The following ABHD17C variants were observed in gnomAD, a reference collection of about 807,000 sequenced individuals.
ABHD17C encodes alpha/beta hydrolase domain-containing protein 17C.
In ABHD17C, 11 loss-of-function variants were observed where a neutral mutation model predicts 27.9. The ratio of observed to expected loss-of-function variants is 0.39; its 90% CI spans 0.25 to 0.65. ABHD17C has a LOEUF of 0.65. Ranked by LOEUF, ABHD17C falls within the 30% of genes least tolerant of loss-of-function variation. The pLI is 0.45. For synonymous variants in ABHD17C, 233 were observed against 209.1 expected (o/e 1.11, Z -0.98); for missense variants, 280 against 470.2 (o/e 0.60, Z 3.74).
intron 1 of ABHD17C, among the ~76,000 whole-genome samples, chr15:80,708,586 G>T (rs1423723625): frequency 6.6e-6 from 1 of 152,130 alleles, no homozygotes; most frequent in East Asian, 1.9e-4. Context: ...GAAAGTGCTG[G>T]GATTATAGGA....
intron 1 of ABHD17C, among the ~76,000 whole-genome samples, chr15:80,716,693 T>C (rs969220074): frequency 4.6e-5 from 7 of 152,226 alleles, no homozygotes; most frequent in African/African-American, 1.4e-4. Flanking sequence ...TGGCGTCTTG[T>C]TCATATTTGA....
At chr15:80,724,064 G>A (rs1894938093) in intron 1 of ABHD17C, among the ~76,000 whole-genome samples, 1 of 152,104 alleles carries the variant, frequency 6.6e-6, no homozygotes, top group South Asian at 2.1e-4. Flanking sequence ...TTAGCTGGGT[G>A]TGGTGGTGGA....
At chr15:80,741,409 C>A (rs577145176) in intron 1 of ABHD17C, among the ~76,000 whole-genome samples, 9 of 151,464 alleles carry the variant, frequency 5.9e-5, no homozygotes, top group African/African-American at 2.2e-4. Flanking sequence ...TAGATCCTAC[C>A]AACTTTGGCA....
intron 1 of ABHD17C, among the ~76,000 whole-genome samples, chr15:80,745,168 C>G (rs1189053809): frequency 6.6e-6 from 1 of 152,188 alleles, no homozygotes. Flanking sequence ...CCAGCATTTA[C>G]AACCCCCAGG....
At chr15:80,737,756 G>A (rs1895153081) in intron 1 of ABHD17C, among the ~76,000 whole-genome samples, 1 of 152,134 alleles carries the variant, frequency 6.6e-6, no homozygotes, top group African/African-American at 2.4e-5. Flanking sequence ...AGTTGTCCAG[G>A]TGATGACAAG....
Position 80,695,980 on chromosome 15 carries a change from A to G in ABHD17C, c.551A>G (p.Tyr184Cys), listed in dbSNP as rs1162634180. The stretch of plus-strand genomic sequence containing the variant: ...GGCAAGCCCTCCGAGAAGAACCTCT[A>G]CGCCGACATCGACGCCGCGTGGCAG... ...SSGKPSEKNL[Y>C]ADIDAAWQAL... is the part of the protein sequence containing the mutation. The change falls in exon 1 of 3, where the codon TAC (tyrosine) becomes TGC (cysteine). Residue 184 changes from tyrosine (Y) to cysteine (C), a missense_variant. Around this residue, in one of 2 missense-constraint regions of ABHD17C, gnomAD observed 206 missense variants for 394.7 expected, o/e 0.52. Coordinates refer to ENST00000258884, the MANE Select transcript of ABHD17C (RefSeq NM_021214.2). The surrounding 1 kb of genome is among the most constrained non-coding windows in gnomAD (Gnocchi z 4.3). The G allele has an allele frequency of 1.9e-6, 3 of 1,588,414 alleles. No homozygotes were observed. The highest frequency in any genetic ancestry group is 2.6e-6 in the Non-Finnish European group (3 of 1,175,238).
Position 80,697,094 on chromosome 15 carries a change from A to AT in ABHD17C, c.590+1086dup, listed in dbSNP as rs573063320. Among the ~76,000 whole-genome samples, 233 of 148,624 alleles carry AT rather than the reference A, an allele frequency of 1.6e-3. 1 individual carries two copies. The highest frequency in any genetic ancestry group is 8.8e-3 in the East Asian group (45 of 5,086). On this transcript the variant is annotated intron_variant, in intron 1 of 2. Transcript: ENST00000258884. The stretch of plus-strand genomic sequence containing the variant: ...CTTATGCACATCACCAACGTTAATG[A>AT]TTTTTTTTTTTCATTCGTACTCACG...
At chr15:80,732,395 C>T (rs1567036265) in intron 1 of ABHD17C, among the ~76,000 whole-genome samples, 3 of 152,212 alleles carry the variant, frequency 2.0e-5, no homozygotes. Flanking sequence ...GCAAGCAGCT[C>T]TCTTGGCAGT....
rs1034617969 is a variant in ABHD17C at position 80,741,835 on chromosome 15, C to T, written c.591-7678C>T. On this transcript the variant is annotated intron_variant, in intron 1 of 2. Transcript: ENST00000258884. ...CGCCTCTCTTGTGCTTTGGAGCCCC[C>T]GTGAAGTAAAATAAGGGTTACTTGA... 6.6e-5 allele frequency among the ~76,000 whole-genome samples: 10 copies of T among 152,198 alleles called. 1 individual carries two copies. In the Middle Eastern group the frequency reaches 0.01, roughly 155 times the overall value.
intron 1 of ABHD17C, among the ~76,000 whole-genome samples, chr15:80,699,253 A>G (rs977032880): frequency 6.6e-6 from 1 of 152,220 alleles, no homozygotes; most frequent in African/African-American, 2.4e-5. Context: ...AGTTGGCAAA[A>G]TGTCTTAAAA....
intron 1 of ABHD17C, among the ~76,000 whole-genome samples, chr15:80,699,761 G>T (rs775330024): frequency 1.3e-5 from 2 of 152,208 alleles, no homozygotes; most frequent in African/African-American, 2.4e-5. Context: ...AAAGGTGGTT[G>T]TTGCCGTTTG....
intron 1 of ABHD17C, among the ~76,000 whole-genome samples, chr15:80,730,162 A>G (rs1193474283): frequency 6.6e-6 from 1 of 152,178 alleles, no homozygotes; most frequent in Non-Finnish European, 1.5e-5. Context: ...AGGCATAGAC[A>G]TAATGGTGGT....
chr15:80,718,718 C>T (rs995383473), intron 1 of ABHD17C, among the ~76,000 whole-genome samples: 1 of 152,178 alleles, frequency 6.6e-6, no homozygotes, highest in Non-Finnish European at 1.5e-5. Flanking sequence ...GTTTTTAGAT[C>T]AGATTCTTAA....
At chr15:80,707,548 G>A (rs1429615930) in intron 1 of ABHD17C, among the ~76,000 whole-genome samples, 4 of 151,378 alleles carry the variant, frequency 2.6e-5, no homozygotes, top group South Asian at 2.1e-4. Flanking sequence ...ACTAATACTA[G>A]CAATAGCTGA....
chr15:80,750,152 C>A (rs1470044453), intron 2 of ABHD17C, among the ~76,000 whole-genome samples: 1 of 152,054 alleles, frequency 6.6e-6, no homozygotes, highest in Non-Finnish European at 1.5e-5. Flanking sequence ...TTCAGTTGGA[C>A]AGTACAGGTA....
intron 1 of ABHD17C, among the ~76,000 whole-genome samples, chr15:80,711,226 A>G (rs1894724412): frequency 6.6e-6 from 1 of 152,152 alleles, no homozygotes; most frequent in Admixed American, 6.5e-5. Context: ...CCAGGCCTTT[A>G]AAAGAACCCA....
chr15:80,749,933 G>A (rs560789829), intron 2 of ABHD17C, among the ~76,000 whole-genome samples: 6 of 152,250 alleles, frequency 3.9e-5, no homozygotes, highest in East Asian at 1.9e-4. Context: ...GTATACTGAC[G>A]CCTAGGGTTA....
At chr15:80,732,766 C>G (rs1405714644) in intron 1 of ABHD17C, among the ~76,000 whole-genome samples, 1 of 152,146 alleles carries the variant, frequency 6.6e-6, no homozygotes, top group African/African-American at 2.4e-5. Flanking sequence ...TAACACACTT[C>G]CATTTTGAAT....
At chr15:80,709,695 C>A (rs1163730947) in intron 1 of ABHD17C, among the ~76,000 whole-genome samples, 2 of 152,064 alleles carry the variant, frequency 1.3e-5, no homozygotes, top group Non-Finnish European at 2.9e-5. Context: ...CACTTCCCGG[C>A]CTCTCCCTCA....
Sources: allele counts gnomAD v4.1 joint callset (sites outside exome capture counted in the v4.1 genomes callset), GRCh38; gene constraint gnomAD v4.1.1; regional missense constraint gnomAD v4.1.1; non-coding constraint Gnocchi (gnomAD v3.1); transcripts MANE v1.5; gene names NCBI Gene and HGNC (gene_info 2026-07-23, HGNC 2026-07-21).